SH3RF1: variants seen among roughly 807,000 people sequenced by gnomAD.
SH3RF1 encodes SH3 domain containing ring finger 1, also known as E3 ubiquitin-protein ligase SH3RF1.
In SH3RF1, 32 loss-of-function variants were observed where a neutral mutation model predicts 74.0. That is an observed-to-expected ratio of 0.43 (90% confidence interval 0.33 to 0.58). The LOEUF (loss-of-function observed/expected upper bound fraction) is 0.58. Ranked by LOEUF, SH3RF1 falls within the 20% of genes least tolerant of loss-of-function variation. The pLI is 0.05. For missense variants in SH3RF1, 954 were observed against 1,130.9 expected, an observed-to-expected ratio of 0.84 and a Z score of 2.24; for synonymous variants, 396 against 439.6, an observed-to-expected ratio of 0.90 and a Z score of 1.24.
At chr4:169,179,725 T>C (rs1734476774) in intron 2 of SH3RF1, among the ~76,000 whole-genome samples, 1 of 152,244 alleles carries the variant, frequency 6.6e-6, no homozygotes, top group African/African-American at 2.4e-5. Context: ...TCAATTTCAC[T>C]GTTTATTTTA....
At chr4:169,143,897 G>C (rs1474967836) in intron 4 of SH3RF1, among the ~76,000 whole-genome samples, 2 of 152,202 alleles carry the variant, frequency 1.3e-5, no homozygotes, top group Non-Finnish European at 2.9e-5. Context: ...GGTATAAAAA[G>C]AGGGTACATG....
intron 9 of SH3RF1, 139 bp downstream of exon 9, chr4:169,117,384 G>A: frequency 8.2e-7 from 1 of 1,226,068 alleles, no homozygotes; most frequent in South Asian, 1.5e-5. Flanking sequence ...GCAGATACAA[G>A]GTGCCACTGA....
chr4:169,180,807 A>C (rs1035190555), intron 2 of SH3RF1, among the ~76,000 whole-genome samples: 4 of 152,200 alleles, frequency 2.6e-5, no homozygotes, highest in African/African-American at 9.7e-5. Flanking sequence ...AAAAAAAGTA[A>C]ACCCACCACT....
chr4:169,231,427 G>A (rs745427204), intron 2 of SH3RF1, among the ~76,000 whole-genome samples: 12 of 152,188 alleles, frequency 7.9e-5, no homozygotes, highest in Admixed American at 4.6e-4. Flanking sequence ...TTAGCCAGAC[G>A]TCATGGCGCA....
chr4:169,113,024 T>A (rs1476221507), intron 10 of SH3RF1, among the ~76,000 whole-genome samples: 1 of 151,970 alleles, frequency 6.6e-6, no homozygotes, highest in East Asian at 1.9e-4. Context: ...GCAGAAGAAA[T>A]GCAACCAATA....
At chr4:169,109,907 C>A (rs1733211298) in intron 10 of SH3RF1, among the ~76,000 whole-genome samples, 1 of 151,148 alleles carries the variant, frequency 6.6e-6, no homozygotes, top group African/African-American at 2.4e-5. Context: ...TACTCCGGAG[C>A]CTGAGGTGGG....
At position 169,262,388 on chromosome 4, in the gene SH3RF1, T is replaced by C. The variant is rs1010569023; in HGVS notation, c.393+6432A>G. Among the ~76,000 whole-genome samples the C allele has an allele frequency of 5.3e-5, 8 of 152,302 alleles. No individual in the cohort carries two copies. The East Asian group carries it at 9.7e-4, about 18-fold the overall frequency. On this transcript the variant is annotated intron_variant, in intron 2 of 11. Transcript: ENST00000284637. ...ATTTTAAAAATGATAACACTTAGGCTGGGTGCCGCAGCTCACGCCTGTAAT... is the reference window on the plus strand; with the variant it reads ...ATTTTAAAAATGATAACACTTAGGCCGGGTGCCGCAGCTCACGCCTGTAAT...
chr4:169,167,558 G>A (rs1193736989), intron 2 of SH3RF1, among the ~76,000 whole-genome samples: 1 of 151,974 alleles, frequency 6.6e-6, no homozygotes, highest in East Asian at 1.9e-4. Context: ...ATCAACATGG[G>A]AATAAATGGA....
intron 2 of SH3RF1, among the ~76,000 whole-genome samples, chr4:169,212,292 G>C (rs546985876): frequency 6.6e-6 from 1 of 151,832 alleles, no homozygotes; most frequent in Non-Finnish European, 1.5e-5. Flanking sequence ...TTAATCTCCC[G>C]ACCTCAGGTG....
At chr4:169,196,704 T>A (rs984385434) in intron 2 of SH3RF1, among the ~76,000 whole-genome samples, 3 of 152,200 alleles carry the variant, frequency 2.0e-5, no homozygotes, top group Non-Finnish European at 4.4e-5. Flanking sequence ...GACTTTTTTA[T>A]ACTTTATCTT....
At chr4:169,160,473 A>G (rs535717061) in intron 2 of SH3RF1, among the ~76,000 whole-genome samples, 2 of 152,342 alleles carry the variant, frequency 1.3e-5, no homozygotes, top group Non-Finnish European at 2.9e-5. Context: ...CTAGGGTTAC[A>G]TTTCCGTGAT....
At chr4:169,152,036 A>G (rs544609176) in intron 4 of SH3RF1, among the ~76,000 whole-genome samples, 1 of 152,246 alleles carries the variant, frequency 6.6e-6, no homozygotes. Flanking sequence ...TTGAACAAAG[A>G]AGCAGATTAA....
intron 2 of SH3RF1, among the ~76,000 whole-genome samples, chr4:169,205,728 G>A (rs1355501889): frequency 2.0e-5 from 3 of 152,018 alleles, no homozygotes; most frequent in Admixed American, 6.6e-5. Context: ...ATTTACCAAC[G>A]TACCATACCA....
At chr4:169,234,057 TCA>T (rs1730787062) in intron 2 of SH3RF1, among the ~76,000 whole-genome samples, 1 of 152,184 alleles carries the variant, frequency 6.6e-6, no homozygotes, top group Admixed American at 6.5e-5. Flanking sequence ...CTGTTAACTC[TCA>T]GTCTCTGTTT....
chr4:169,226,672 A>G (rs1384558199), intron 2 of SH3RF1, among the ~76,000 whole-genome samples: 1 of 152,232 alleles, frequency 6.6e-6, no homozygotes, highest in African/African-American at 2.4e-5. Context: ...GCCACAGTGC[A>G]CCATCAATTT....
chr4:169,199,269 C>T (rs1038784004), intron 2 of SH3RF1, among the ~76,000 whole-genome samples: 10 of 152,194 alleles, frequency 6.6e-5, no homozygotes, highest in African/African-American at 1.2e-4. Flanking sequence ...ACAATTTCTA[C>T]GTTTAGAAAA....
intron 2 of SH3RF1, among the ~76,000 whole-genome samples, chr4:169,250,588 C>T (rs1055304799): frequency 6.6e-6 from 1 of 152,134 alleles, no homozygotes; most frequent in African/African-American, 2.4e-5. Context: ...TGAGAACCTA[C>T]TATGTACTAG....
chr4:169,236,989 C>T (rs1409675544), intron 2 of SH3RF1, among the ~76,000 whole-genome samples: 4 of 152,348 alleles, frequency 2.6e-5, no homozygotes, highest in South Asian at 2.1e-4. Context: ...GTCTCATCCC[C>T]TGCCAGTAAT....
intron 2 of SH3RF1, among the ~76,000 whole-genome samples, chr4:169,259,271 C>T (rs1731236897): frequency 6.6e-6 from 1 of 152,124 alleles, no homozygotes; most frequent in Non-Finnish European, 1.5e-5. Flanking sequence ...CCTTTCTGCA[C>T]TACGTAACTT....
Sources: gnomAD v4.1 joint callset for allele counts (sites outside exome capture counted in the v4.1 genomes callset) on GRCh38, gnomAD v4.1.1 for gene constraint, MANE v1.5 for transcripts, NCBI Gene and HGNC (gene_info 2026-07-23, HGNC 2026-07-21) for gene names.